The following ADPRHL1 variants were observed in gnomAD, a reference collection of about 807,000 sequenced individuals.
The protein encoded by ADPRHL1 is inactive ADP-ribosyltransferase ARH2.
Under a neutral mutation model 44.1 loss-of-function variants are expected in ADPRHL1, and 43 were observed. That is an observed-to-expected ratio of 0.98 (90% CI 0.76 to 1.26). The LOEUF is 1.26. ADPRHL1 is among the 50% of genes most tolerant of loss of function. The pLI is 0.00. For missense variants in ADPRHL1, 2,022 were observed against 2,496.9 expected (o/e 0.81, Z 4.05); for synonymous variants, 878 against 1,017.4 (o/e 0.86, Z 2.61).
At chr13:113,428,673 G>T (rs1370988706) in intron 4 of ADPRHL1, among the ~76,000 whole-genome samples, 1 of 152,264 alleles carries the variant, frequency 6.6e-6, no homozygotes, top group Non-Finnish European at 1.5e-5. Context: ...GGTGGACGGG[G>T]ACGGGTGGAC....
rs1303085642 is a variant in ADPRHL1 at position 113,403,017 on chromosome 13, T to C, written c.*361A>G. 6.0e-6 allele frequency: 1 copy of C among 167,404 alleles called. No individual in the cohort carries two copies. The highest frequency in any genetic ancestry group is 1.3e-5 in the Non-Finnish European group (1 of 78,742). The allele number at this position is 167,404 out of a possible 1,614,324, so 10.4% of individuals were successfully genotyped here. On this transcript the variant is annotated 3_prime_UTR_variant, in exon 8 of 8. Transcript: ENST00000612156. ...TCCCAAAGTGCCAGCATCCTGCAGATCGAAGGGGACGCACACACCGTGCCA... is the reference window on the plus strand; with the variant it reads ...TCCCAAAGTGCCAGCATCCTGCAGACCGAAGGGGACGCACACACCGTGCCA...
At position 113,405,049 on chromosome 13, in the gene ADPRHL1, T is replaced by C. The variant is rs967710849; in HGVS notation, c.4233A>G (p.Ala1411=). 8.1e-7 allele frequency: 1 copy of C among 1,232,638 alleles called. No individual in the cohort carries two copies. The highest frequency in any genetic ancestry group is 1.0e-6 in the Non-Finnish European group (1 of 988,592). The allele number at this position is 1,232,638 out of a possible 1,614,324, so 76.4% of individuals were successfully genotyped here. A position where few individuals can be genotyped will look rare whatever the true frequency, so the allele number is the denominator to read the frequency against. ...PSGSKVVLNP[A]KEPQTWWAQD... is the part of the protein sequence containing the mutation. ...GTGCCCACCATGTCTGAGGCTCTTT[T>C]GCTGGGTTCAGCACAACCTTCGAGC... Residue 1411 remains alanine (A), a synonymous_variant, in exon 8 of 8, where the codon GCA becomes GCG. Coordinates refer to ENST00000612156, the MANE Select transcript of ADPRHL1 (RefSeq NM_001394807.1).
intron 1 of ADPRHL1, among the ~76,000 whole-genome samples, chr13:113,445,162 G>A (rs1044985541): frequency 2.6e-5 from 4 of 152,256 alleles, no homozygotes; most frequent in Admixed American, 1.3e-4. Context: ...CCTGGGGCAC[G>A]AGGGTGAAGG....
Position 113,440,708 on chromosome 13 carries a change from G to A in ADPRHL1, c.379+3717C>T, listed in dbSNP as rs368398185. Among the ~76,000 whole-genome samples, 174 of 152,162 alleles carry A rather than the reference G, an allele frequency of 1.1e-3. No individual in the cohort carries two copies. The South Asian group carries it at 0.015, about 13-fold the overall frequency. ...GACCTCAGATGATCCACCCGCCTTG[G>A]CCTCCCAAAGTTCTGGGATCACAGG... On this transcript the variant is annotated intron_variant, in intron 2 of 7. Transcript: ENST00000612156.
At position 113,409,928 on chromosome 13, in the gene ADPRHL1, GAA is replaced by G. The variant is rs2043839993; in HGVS notation, c.1062-1710_1062-1709del. ...AAAAAAGGAAGAAGCTGAGCAGGCTGAAAAGAGACCGGAAGGAAATGTGTGAA... is the reference window on the plus strand; with the variant it reads ...AAAAAAGGAAGAAGCTGAGCAGGCTGAAGAGACCGGAAGGAAATGTGTGAA... On this transcript the variant is annotated intron_variant, in intron 7 of 7. Coordinates refer to ENST00000612156, the MANE Select transcript of ADPRHL1 (RefSeq NM_001394807.1). This position sits in a 1 kb window ranked among gnomAD's most constrained non-coding sequence, Gnocchi z 4.2. 2 of 961,882 alleles carry G rather than the reference GAA, an allele frequency of 2.1e-6. No individual in the cohort carries two copies. Among genetic ancestry groups the G allele is most frequent in the African/African-American group, 3.5e-5 (2 of 56,386 alleles). The allele number at this position is 961,882 out of a possible 1,614,324, so 59.6% of individuals were successfully genotyped here.
intron 2 of ADPRHL1, among the ~76,000 whole-genome samples, chr13:113,440,303 G>A (rs546254444): frequency 8.5e-5 from 13 of 152,148 alleles, no homozygotes; most frequent in Non-Finnish European, 1.9e-4. Context: ...ATCTAGGTTT[G>A]TTATGTCCCC....
At position 113,406,622 on chromosome 13, in the gene ADPRHL1, G is replaced by A; in HGVS notation, c.2660C>T (p.Pro887Leu). 1.6e-6 allele frequency: 2 copies of A among 1,232,016 alleles called. No homozygotes were observed. The highest frequency in any genetic ancestry group is 2.0e-6 in the Non-Finnish European group (2 of 987,978). The allele number at this position is 1,232,016 out of a possible 1,614,324, so 76.3% of individuals were successfully genotyped here. The change falls in exon 8 of 8, where the codon CCC becomes CTC. Residue 887 changes from proline to leucine, a missense_variant. By Grantham distance (98) the Pro-to-Leu change is moderately conservative (BLOSUM62 -3). Around this residue, in one of 8 missense-constraint regions of ADPRHL1, gnomAD observed 1,221 missense variants for 1,517.8 expected, o/e 0.80. Coordinates refer to ENST00000612156, the MANE Select transcript of ADPRHL1 (RefSeq NM_001394807.1). The stretch of plus-strand genomic sequence containing the variant: ...ACCCCTTCTGTTCTCAGTCACGGTG[G>A]GAAATTCTGTGTGGGCATTTTCAAC... ...NVVENAHTEF[P>L]TVTENRRGHR...
intron 4 of ADPRHL1, 48 bp from the exon 5 acceptor site, chr13:113,425,227 T>G (rs1438167468): frequency 5.6e-5 from 11 of 194,720 alleles, no homozygotes; most frequent in South Asian, 1.7e-4. Context: ...ATCCATGGAG[T>G]GGGGCGGGTG....
At position 113,403,846 on chromosome 13, in the gene ADPRHL1, C is replaced by T; in HGVS notation, c.5436G>A (p.Gly1812=). 1 of 1,101,106 alleles carries T rather than the reference C, an allele frequency of 9.1e-7. No individual in the cohort carries two copies. The highest frequency in any genetic ancestry group is 5.6e-5 in the Admixed American group (1 of 17,720). The allele number at this position is 1,101,106 out of a possible 1,614,324, so 68.2% of individuals were successfully genotyped here. A position where few individuals can be genotyped will look rare whatever the true frequency, so the allele number is the denominator to read the frequency against. ...GCTGCTCCCAGGCCCGAGGCGCCAT[C>T]CCACTTGTCAAGGCCTGTTCCCGAC... ...EQGREQALTS[G]MAPRAWEQPI... Residue 1812 remains glycine (G), a synonymous_variant, in exon 8 of 8, where the codon GGG becomes GGA. Transcript: ENST00000612156.
chr13:113,433,895 G>A, intron 2 of ADPRHL1, 28 bp from the exon 3 acceptor site: 1 of 1,518,942 alleles, frequency 6.6e-7, no homozygotes, highest in Non-Finnish European at 8.9e-7. Context: ...AGCTAGTTTA[G>A]ACTTCTGCTC....
At position 113,409,606 on chromosome 13, in the gene ADPRHL1, C is replaced by T. The variant is rs1425372175; in HGVS notation, c.1062-1386G>A. On this transcript the variant is annotated intron_variant, in intron 7 of 7. Coordinates refer to ENST00000612156, the MANE Select transcript of ADPRHL1 (RefSeq NM_001394807.1). This position sits in a 1 kb window ranked among gnomAD's most constrained non-coding sequence, Gnocchi z 4.2. ...CCGATTGTTTTTAAGAAGCTGAGGC[C>T]GGGCGCCGTGGCTCACGCCTGTAAT... The T allele has an allele frequency of 1.2e-5, 12 of 985,208 alleles. No homozygotes were observed. In the Admixed American group the frequency reaches 2.5e-4, roughly 20 times the overall value. 61.0% of individuals were successfully genotyped at this position (985,208 alleles called of 1,614,324 possible).
At chr13:113,434,763 A>G (rs61968976) in intron 2 of ADPRHL1, among the ~76,000 whole-genome samples, 1,044 of 48,830 alleles carry the variant, frequency 0.021, 108 homozygotes, top group African/African-American at 0.028. Flanking sequence ...CCTGGGACCC[A>G]GCACCCAGGC....
intron 1 of ADPRHL1, among the ~76,000 whole-genome samples, chr13:113,450,881 C>T (rs886796026): frequency 7.2e-5 from 11 of 152,072 alleles, no homozygotes; most frequent in South Asian, 2.1e-4. Flanking sequence ...TGCGGGCGAG[C>T]CTGACTCATG....
In ADPRHL1 at chr13:113,425,060, T is replaced by C. The variant is rs146236374; in HGVS notation, c.766A>G (p.Arg256Gly). The C allele has an allele frequency of 1.9e-6, 3 of 1,613,608 alleles. No homozygotes were observed. The highest frequency in any genetic ancestry group is 2.5e-6 in the Non-Finnish European group (3 of 1,179,932). The stretch of plus-strand genomic sequence containing the variant: ...GCCAGGACAAGGCTTACCTTTTCCC[T>C]CTCTTCTGCATCATAATTGTCGGGG... ...IFPDNYDAEE[R>G]EKTYRKWSSE... Residue 256 changes from arginine (R) to glycine (G), a missense_variant, in exon 5 of 8, where the codon AGG (arginine) becomes GGG (glycine). This residue lies in a region of ADPRHL1 where 437 missense variants were observed against 430.7 expected (regional missense o/e 1.01). Coordinates refer to ENST00000612156, the MANE Select transcript of ADPRHL1 (RefSeq NM_001394807.1).
chr13:113,428,937 G>C lies in ADPRHL1; in HGVS notation c.646+15C>G, dbSNP rs760073697. ...TCTGCTCTGAGTGCGGACTGGGGCC[G>C]GGGGAGCGGCTCACCTGCCGTGTGC... On this transcript the variant is annotated intron_variant, in intron 4 of 7. Coordinates refer to ENST00000612156, the MANE Select transcript of ADPRHL1 (RefSeq NM_001394807.1). 4.3e-6 allele frequency: 7 copies of C among 1,611,596 alleles called. No individual in the cohort carries two copies. The highest frequency in any genetic ancestry group is 1.7e-5 in the Admixed American group (1 of 60,028).
Position 113,407,726 on chromosome 13 carries a change from T to C in ADPRHL1, c.1556A>G (p.Glu519Gly), listed in dbSNP as rs541819868. The change falls in exon 8 of 8, where the codon GAG becomes GGG. Residue 519 changes from glutamate (E) to glycine (G), a missense_variant. Around this residue, in one of 8 missense-constraint regions of ADPRHL1, gnomAD observed 1,221 missense variants for 1,517.8 expected, o/e 0.80. Coordinates refer to ENST00000612156, the MANE Select transcript of ADPRHL1 (RefSeq NM_001394807.1). ...AGGGGGCTTCTCGCGTGCTTCTTTC[T>C]CCTTCGCCTCCTTCTCCTCGGCGGC... ...FLAAEEKEAK[E>G]KEAREKPPVE... The C allele has an allele frequency of 1.6e-6, 2 of 1,232,078 alleles. No individual in the cohort carries two copies. Among genetic ancestry groups the C allele is most frequent in the African/African-American group, 3.1e-5 (2 of 64,556 alleles). The allele number at this position is 1,232,078 out of a possible 1,614,324, so 76.3% of individuals were successfully genotyped here.
intron 7 of ADPRHL1, chr13:113,422,173 G>A (rs1271533436): frequency 6.6e-6 from 1 of 152,278 alleles, no homozygotes; most frequent in South Asian, 2.1e-4. Flanking sequence ...AGACGCCGGA[G>A]CTGGCAGGAG....
chr13:113,403,631 C>T lies in ADPRHL1; in HGVS notation c.5651G>A (p.Ser1884Asn), dbSNP rs1301121904. 1 of 1,231,612 alleles carries T rather than the reference C, an allele frequency of 8.1e-7. No homozygotes were observed. Among genetic ancestry groups the T allele is most frequent in the East Asian group, 3.2e-5 (1 of 31,658 alleles). The allele number at this position is 1,231,612 out of a possible 1,614,324, so 76.3% of individuals were successfully genotyped here. The change falls in exon 8 of 8, where the codon AGC becomes AAC. Residue 1884 changes from serine to asparagine, a missense_variant. By Grantham distance (46) the Ser-to-Asn change is conservative. This residue lies in a region of ADPRHL1 where 205 missense variants were observed against 250.1 expected (regional missense o/e 0.82). Coordinates refer to ENST00000612156, the MANE Select transcript of ADPRHL1 (RefSeq NM_001394807.1). ...IATSPLGLGK[S>N]PTEPKPEAGG... ...AGCCTCAGGCTTGGGCTCAGTTGGG[C>T]TCTTTCCCAGCCCCAGGGGAGAGGT...
intron 7 of ADPRHL1, among the ~76,000 whole-genome samples, chr13:113,412,209 G>A (rs2139602672): frequency 1.3e-5 from 2 of 152,220 alleles, no homozygotes; most frequent in South Asian, 2.1e-4. Context: ...ACGGAGTCTT[G>A]CTCTGTCGCC....
Sources: gnomAD v4.1 joint callset for allele counts (sites outside exome capture counted in the v4.1 genomes callset) on GRCh38, gnomAD v4.1.1 for gene constraint, gnomAD v4.1.1 regional missense constraint, Gnocchi (gnomAD v3.1) non-coding constraint, MANE v1.5 for transcripts, NCBI Gene and HGNC (gene_info 2026-07-23, HGNC 2026-07-21) for gene names.